Variants in CDKN2B-AS1 observed in about 807,000 individuals in gnomAD.
The protein encoded by CDKN2B-AS1 is CDKN2B antisense RNA 1 (non-protein coding).
At chr9:22,127,220 T>C (rs907603335) in exon 5 of CDKN2B-AS1, among the ~76,000 whole-genome samples, 3 of 152,172 alleles carry the variant, frequency 2.0e-5, no homozygotes, top group Non-Finnish European at 2.9e-5. Context: ...GAGCTGGGAT[T>C]GCAGGCACCT....
chr9:22,020,252 C>T (rs889184910), intron 1 of CDKN2B-AS1, among the ~76,000 whole-genome samples: 1 of 152,196 alleles, frequency 6.6e-6, no homozygotes, highest in Non-Finnish European at 1.5e-5. Context: ...ATATGTACCA[C>T]ATTTTCTTTA....
chr9:22,022,931 T>C (rs1822073030), intron 1 of CDKN2B-AS1, among the ~76,000 whole-genome samples: 1 of 152,214 alleles, frequency 6.6e-6, no homozygotes, highest in Admixed American at 6.5e-5. Context: ...GTTTCTTTTC[T>C]TTAAAAACAT....
chr9:22,040,457 T>C (rs1443403136), intron 1 of CDKN2B-AS1, among the ~76,000 whole-genome samples: 1 of 152,004 alleles, frequency 6.6e-6, no homozygotes, highest in Non-Finnish European at 1.5e-5. Context: ...AACCAGACTA[T>C]AGTGGAGATG....
chr9:22,012,403 C>T, intron 1 of CDKN2B-AS1: 1 of 801,224 alleles, frequency 1.2e-6, no homozygotes, highest in South Asian at 1.3e-5. Flanking sequence ...CTTCACTCTT[C>T]CAGCTCACCT....
At chr9:22,050,549 G>C (rs1440030327) in intron 3 of CDKN2B-AS1, among the ~76,000 whole-genome samples, 1 of 152,198 alleles carries the variant, frequency 6.6e-6, no homozygotes, top group African/African-American at 2.4e-5. Context: ...TGCTGTCACT[G>C]TCCTGTCTAG....
chr9:22,019,862 A>G (rs1821943294), intron 1 of CDKN2B-AS1, among the ~76,000 whole-genome samples: 1 of 152,170 alleles, frequency 6.6e-6, no homozygotes, highest in South Asian at 2.1e-4. Flanking sequence ...ATTAATACCA[A>G]ACCCTTTAAA....
intron 4 of CDKN2B-AS1, among the ~76,000 whole-genome samples, chr9:22,080,681 C>T (rs1465487030): frequency 6.6e-6 from 1 of 152,214 alleles, no homozygotes; most frequent in East Asian, 1.9e-4. Flanking sequence ...TGACAGTTTG[C>T]AGAGCCAAAA....
chr9:22,124,313 T>G (rs1349777049), intron 4 of CDKN2B-AS1, among the ~76,000 whole-genome samples: 1 of 152,216 alleles, frequency 6.6e-6, no homozygotes, highest in Non-Finnish European at 1.5e-5. Context: ...GTAGAGGTAG[T>G]AGGTACAGAA....
At chr9:22,016,692 T>A (rs1821779063) in intron 1 of CDKN2B-AS1, among the ~76,000 whole-genome samples, 1 of 152,112 alleles carries the variant, frequency 6.6e-6, no homozygotes, top group South Asian at 2.1e-4. Context: ...AAACAAGCAA[T>A]GGGGAAAGGA....
chr9:22,010,051 T>C (rs1821420156), intron 1 of CDKN2B-AS1, among the ~76,000 whole-genome samples: 1 of 152,144 alleles, frequency 6.6e-6, no homozygotes, highest in African/African-American at 2.4e-5. Flanking sequence ...CAGTAAATCT[T>C]TGTTTGCACT....
In CDKN2B-AS1 at chr9:22,006,284, G is replaced by C. The variant is rs368143223; in HGVS notation, n.29+11123G>C. The C allele has an allele frequency of 3.1e-6, 5 of 1,599,490 alleles. No individual in the cohort carries two copies. The African/African-American group carries it at 6.7e-5, about 21-fold the overall frequency. ...AGCAGAGTGGTCAGAGCCAGGGTGG[G>C]GGCAGGTATGGGAGATGCCGGCCGG... On this transcript the variant is annotated intron_variant and non_coding_transcript_variant, in intron 1 of 4. Transcript: ENST00000650946. This position sits in a 1 kb window ranked among gnomAD's most constrained non-coding sequence, Gnocchi z 6.4.
At chr9:22,116,892 AG>A (rs1406607139) in intron 4 of CDKN2B-AS1, among the ~76,000 whole-genome samples, 2 of 152,252 alleles carry the variant, frequency 1.3e-5, no homozygotes, top group African/African-American at 4.8e-5. Flanking sequence ...CTTGGCTAAA[AG>A]GAATATTATG....
intron 1 of CDKN2B-AS1, chr9:22,008,587 C>T: frequency 2.8e-6 from 4 of 1,419,008 alleles, no homozygotes; most frequent in Non-Finnish European, 3.8e-6. Flanking sequence ...ACAAAAACCA[C>T]TAAAAAAAGC....
At chr9:22,124,296 A>G (rs1359717422) in intron 4 of CDKN2B-AS1, among the ~76,000 whole-genome samples, 1 of 152,238 alleles carries the variant, frequency 6.6e-6, no homozygotes, top group Non-Finnish European at 1.5e-5. Flanking sequence ...GGATGGGTAG[A>G]CAAAATGTAG....
intron 4 of CDKN2B-AS1, among the ~76,000 whole-genome samples, chr9:22,061,067 A>C (rs754923053): frequency 6.6e-6 from 1 of 152,294 alleles, no homozygotes; most frequent in African/African-American, 2.4e-5. Flanking sequence ...TTGTACTGAT[A>C]ATTAATATCT....
chr9:22,021,065 A>C (rs1587412436), intron 1 of CDKN2B-AS1, among the ~76,000 whole-genome samples: 1 of 152,294 alleles, frequency 6.6e-6, no homozygotes, highest in Middle Eastern at 3.4e-3. Flanking sequence ...GGTGTAAGGA[A>C]GGGGTCCAGA....
intron 4 of CDKN2B-AS1, among the ~76,000 whole-genome samples, chr9:22,108,563 T>C (rs1024898439): frequency 7.9e-5 from 12 of 152,166 alleles, no homozygotes; most frequent in African/African-American, 2.9e-4. Flanking sequence ...CAAACCTAGC[T>C]CCCCTTAACA....
At chr9:22,052,761 T>G (rs1823404047) in intron 3 of CDKN2B-AS1, among the ~76,000 whole-genome samples, 2 of 152,236 alleles carry the variant, frequency 1.3e-5, no homozygotes, top group African/African-American at 4.8e-5. Flanking sequence ...TGGCAACACT[T>G]TGTTAACCTG....
At chr9:22,032,788 T>C (rs1822532849) in intron 1 of CDKN2B-AS1, 1 of 151,826 alleles carries the variant, frequency 6.6e-6, no homozygotes, top group African/African-American at 2.4e-5. Flanking sequence ...GTGGAAATAA[T>C]ATTCATGCTT....
Sources: allele counts gnomAD v4.1 joint callset (sites outside exome capture counted in the v4.1 genomes callset), GRCh38; gene constraint gnomAD v4.1.1; non-coding constraint Gnocchi (gnomAD v3.1); transcripts MANE v1.5; gene names NCBI Gene and HGNC (gene_info 2026-07-23, HGNC 2026-07-21).